Variants in DNAH3 observed in about 807,000 individuals in gnomAD.
DNAH3 encodes the protein dynein axonemal heavy chain 3, also known as axonemal beta dynein heavy chain 3.
Under a neutral mutation model 432.5 loss-of-function variants are expected in DNAH3, and 332 were observed. That is an observed-to-expected ratio of 0.77 (90% CI 0.70 to 0.84). The LOEUF (loss-of-function observed/expected upper bound fraction) is 0.84. DNAH3 is among the 40% of genes least tolerant of loss of function. DNAH3 has a pLI of 0.00. For synonymous variants in DNAH3, 1,956 were observed against 1,900.2 expected, an observed-to-expected ratio of 1.03 and a Z score of -0.76; for missense variants, 4,861 against 5,114.0, an observed-to-expected ratio of 0.95 and a Z score of 1.51.
chr16:21,012,380 GA>G (rs1374168627), intron 41 of DNAH3, among the ~76,000 whole-genome samples: 1 of 152,022 alleles, frequency 6.6e-6, no homozygotes, highest in East Asian at 1.9e-4. Flanking sequence ...AAAAACATAT[GA>G]AAAACAAACT....
intron 50 of DNAH3, among the ~76,000 whole-genome samples, chr16:20,978,138 G>A (rs1296465793): frequency 1.3e-5 from 2 of 152,210 alleles, no homozygotes; most frequent in African/African-American, 4.8e-5. Flanking sequence ...TCATGTGCCA[G>A]GCATTTTGCT....
At chr16:20,968,075 G>T (rs967121460) in intron 52 of DNAH3, among the ~76,000 whole-genome samples, 6 of 152,052 alleles carry the variant, frequency 3.9e-5, no homozygotes, top group Non-Finnish European at 7.4e-5. Flanking sequence ...AGGGATCAGG[G>T]ATTTCTTTCT....
intron 47 of DNAH3, among the ~76,000 whole-genome samples, chr16:20,986,719 G>A (rs769817285): frequency 2.6e-5 from 4 of 152,076 alleles, no homozygotes; most frequent in Non-Finnish European, 5.9e-5. Flanking sequence ...GAGTAGGAAC[G>A]TTTTAGATGC....
intron 44 of DNAH3, chr16:20,997,036 C>T: frequency 2.3e-6 from 1 of 437,012 alleles, no homozygotes; most frequent in African/African-American, 2.0e-5. Flanking sequence ...CTGAACTCTC[C>T]TTTTCCTATG....
intron 14 of DNAH3, among the ~76,000 whole-genome samples, chr16:21,107,222 C>T (rs942300912): frequency 2.0e-5 from 3 of 146,476 alleles, no homozygotes; most frequent in Non-Finnish European, 4.5e-5. Flanking sequence ...AAATAGAGCA[C>T]TAAATTAATT....
At chr16:20,948,248 A>G (rs2084143109) in intron 57 of DNAH3, among the ~76,000 whole-genome samples, 2 of 151,834 alleles carry the variant, frequency 1.3e-5, no homozygotes, top group African/African-American at 4.8e-5. Flanking sequence ...TCCTTCCTCC[A>G]CCCAGATGGA....
intron 18 of DNAH3, among the ~76,000 whole-genome samples, chr16:21,095,878 C>A (rs191799486): frequency 6.6e-6 from 1 of 152,118 alleles, no homozygotes; most frequent in Non-Finnish European, 1.5e-5. Context: ...GATGCTCCTG[C>A]CTCAGCCTCC....
exon 53 of DNAH3, chr16:20,963,291 T>A: frequency 6.2e-7 from 1 of 1,613,096 alleles, no homozygotes; most frequent in Non-Finnish European, 8.5e-7. Flanking sequence ...TACCTGCCAT[T>A]GGGTCTGCAC....
At chr16:21,123,108 A>T (rs1343304261) in intron 9 of DNAH3, among the ~76,000 whole-genome samples, 1 of 152,218 alleles carries the variant, frequency 6.6e-6, no homozygotes. Context: ...AAATTTATTG[A>T]TTCAGTCCAA....
rs565377383 is a variant in DNAH3, at chr16:21,080,658, G to A, written c.2969+978C>T. 3.0e-4 allele frequency among the ~76,000 whole-genome samples: 45 copies of A among 152,300 alleles called. 1 individual carries two copies. The South Asian group carries it at 8.5e-3, about 29-fold the overall frequency. Reference sequence around the variant, plus strand: ...TGCAGAATTTGATTATGTGGGTTGGGTGGGGCCTGAAAACGTGCATTCTAG... The same window carrying A: ...TGCAGAATTTGATTATGTGGGTTGGATGGGGCCTGAAAACGTGCATTCTAG... On this transcript the variant is annotated intron_variant, in intron 20 of 61. Coordinates refer to ENST00000261383, the Ensembl canonical transcript of DNAH3.
exon 62 of DNAH3, chr16:20,933,405 T>A (rs202215040): frequency 6.2e-7 from 1 of 1,614,166 alleles, no homozygotes; most frequent in East Asian, 2.2e-5. Flanking sequence ...GATTCCCCAA[T>A]CTGCATCGTT....
At chr16:21,093,351 T>A (rs572654940) in intron 18 of DNAH3, among the ~76,000 whole-genome samples, 2 of 152,326 alleles carry the variant, frequency 1.3e-5, no homozygotes, top group African/African-American at 4.8e-5. Flanking sequence ...GAAATATTTA[T>A]GTATAAATTT....
In DNAH3 at chr16:21,067,776, G is replaced by GGAGAGAGAGAGAGAGAGAGA. The variant is rs60889532; in HGVS notation, c.3382-377_3382-358dup. On this transcript the variant is annotated intron_variant, in intron 23 of 61. Coordinates refer to ENST00000261383, the Ensembl canonical transcript of DNAH3. ...CAGTCTTGGGGGGGGGGGTGGGGAGGGAGAGAGAGAGAGAGAGAGAGAGAG... is the reference window on the plus strand; with the variant it reads ...CAGTCTTGGGGGGGGGGGTGGGGAGGGAGAGAGAGAGAGAGAGAGAGAGAGAGAGAGAGAGAGAGAGAGAG... 4.5e-3 allele frequency among the ~76,000 whole-genome samples: 184 copies of GGAGAGAGAGAGAGAGAGAGA among 40,894 alleles called. 9 individuals carry two copies. The highest frequency in any genetic ancestry group is 0.014 in the African/African-American group (115 of 8,086). The allele number at this position is 40,894 out of a possible 152,430, so 26.8% of individuals were successfully genotyped here.
chr16:21,031,418 C>A, intron 36 of DNAH3, 132 bp from the exon 37 acceptor site: 1 of 1,159,494 alleles, frequency 8.6e-7, no homozygotes, highest in Non-Finnish European at 1.2e-6. Flanking sequence ...TCTTATAAAA[C>A]ATGTGCTCAG....
intron 42 of DNAH3, 143 bp from the exon 43 acceptor site, chr16:21,000,661 C>G (rs2086974776): frequency 1.5e-6 from 1 of 657,048 alleles, no homozygotes. Context: ...TCTCCATGGG[C>G]CTCAGTTTCT....
At chr16:21,156,503 A>G (rs1465691229) in intron 1 of DNAH3, among the ~76,000 whole-genome samples, 1 of 152,096 alleles carries the variant, frequency 6.6e-6, no homozygotes, top group Non-Finnish European at 1.5e-5. Context: ...AAGTGGTGGG[A>G]TTATAGGTGT....
intron 41 of DNAH3, chr16:21,019,336 T>G (rs1173316599): frequency 2.7e-6 from 1 of 373,738 alleles, no homozygotes. Context: ...TTGTTTGTAT[T>G]TTTAATAGAG....
rs879001205 is a variant in DNAH3, at chr16:21,042,306, C to G, written c.4462-103G>C. ...ATAGCAAAGAAAGAACCCAATCACC[C>G]AAAAACCGCACCTGCACATTCAAAA... On this transcript the variant is annotated intron_variant, in intron 31 of 61. Coordinates refer to ENST00000261383, the Ensembl canonical transcript of DNAH3. 27 of 1,164,968 alleles carry G rather than the reference C, an allele frequency of 2.3e-5. No homozygotes were observed. In the South Asian group the frequency reaches 4.4e-4, roughly 19 times the overall value. 72.2% of individuals were successfully genotyped at this position (1,164,968 alleles called of 1,614,324 possible).
At chr16:21,137,550 G>A (rs1180980326) in intron 5 of DNAH3, among the ~76,000 whole-genome samples, 1 of 151,678 alleles carries the variant, frequency 6.6e-6, no homozygotes, top group African/African-American at 2.4e-5. Context: ...AGCCTCCCAA[G>A]TAGCTGGGAT....
Sources: gnomAD v4.1 joint callset for allele counts (sites outside exome capture counted in the v4.1 genomes callset) on GRCh38, gnomAD v4.1.1 for gene constraint, MANE v1.5 for transcripts, NCBI Gene and HGNC (gene_info 2026-07-23, HGNC 2026-07-21) for gene names.